The following VTI1A variants were observed in gnomAD, a reference collection of about 807,000 sequenced individuals.
VTI1A encodes the protein vesicle transport through interaction with t-SNAREs homolog 1A.
In VTI1A, 22 loss-of-function variants were observed where a neutral mutation model predicts 34.9. The ratio of observed to expected loss-of-function variants is 0.63; its 90% CI spans 0.45 to 0.90. The LOEUF is 0.90. Among genes scored for constraint, VTI1A ranks in the 40% least tolerant of loss-of-function variants. The pLI is 0.00. For missense variants in VTI1A, 268 were observed against 275.6 expected (o/e 0.97, Z 0.20); for synonymous variants, 87 against 97.3 (o/e 0.89, Z 0.62).
intron 7 of VTI1A, among the ~76,000 whole-genome samples, chr10:112,788,810 AT>A (rs557587978): frequency 1.1e-4 from 16 of 151,838 alleles, no homozygotes; most frequent in South Asian, 4.2e-4. Context: ...TCACATATTG[AT>A]TTTTTTTATT....
chr10:112,637,668 A>C (rs1397196482), intron 5 of VTI1A, among the ~76,000 whole-genome samples: 2 of 152,202 alleles, frequency 1.3e-5, no homozygotes, highest in African/African-American at 4.8e-5. Flanking sequence ...TCAAAAAAAA[A>C]ACAGCTGTAT....
At chr10:112,640,937 C>G (rs1352797087) in intron 5 of VTI1A, among the ~76,000 whole-genome samples, 1 of 152,158 alleles carries the variant, frequency 6.6e-6, no homozygotes, top group Non-Finnish European at 1.5e-5. Flanking sequence ...ATCCAAATTA[C>G]TCTATTTATA....
At chr10:112,545,571 G>A (rs2134276887) in intron 5 of VTI1A, among the ~76,000 whole-genome samples, 1 of 152,300 alleles carries the variant, frequency 6.6e-6, no homozygotes, top group East Asian at 1.9e-4. Flanking sequence ...TCAATCTAAA[G>A]AGGAAATGAG....
At chr10:112,668,122 G>T in intron 5 of VTI1A, 96 bp from the exon 6 acceptor site, 1 of 922,768 alleles carries the variant, frequency 1.1e-6, no homozygotes, top group Non-Finnish European at 1.7e-6. Flanking sequence ...ATGCATGCAT[G>T]CAACTTTAAC....
At chr10:112,554,920 T>G (rs1484455131) in intron 5 of VTI1A, among the ~76,000 whole-genome samples, 1 of 152,146 alleles carries the variant, frequency 6.6e-6, no homozygotes, top group Non-Finnish European at 1.5e-5. Flanking sequence ...TCGATGTATA[T>G]GGGGACATGG....
intron 7 of VTI1A, among the ~76,000 whole-genome samples, chr10:112,711,694 A>G (rs775381943): frequency 1.3e-5 from 2 of 152,194 alleles, no homozygotes; most frequent in Non-Finnish European, 2.9e-5. Context: ...GATGGAGAAT[A>G]CGCCAACAAA....
intron 5 of VTI1A, among the ~76,000 whole-genome samples, chr10:112,583,640 G>A (rs1844037425): frequency 6.6e-6 from 1 of 152,184 alleles, no homozygotes; most frequent in Non-Finnish European, 1.5e-5. Context: ...GCAGTGACAG[G>A]CAGTGTAATT....
chr10:112,545,021 T>A (rs1376296501), intron 5 of VTI1A, among the ~76,000 whole-genome samples: 1 of 151,974 alleles, frequency 6.6e-6, no homozygotes, highest in Non-Finnish European at 1.5e-5. Context: ...GGGATTGGAG[T>A]GGTGGCAGAG....
intron 1 of VTI1A, among the ~76,000 whole-genome samples, chr10:112,452,283 A>G (rs1847267512): frequency 6.6e-6 from 1 of 152,178 alleles, no homozygotes; most frequent in Admixed American, 6.5e-5. Flanking sequence ...AAATTTAAGC[A>G]TTTAGGGCCG....
chr10:112,851,990 A>G, the VTI1A span, among the ~76,000 whole-genome samples: 1 of 152,198 alleles, frequency 6.6e-6, no homozygotes, highest in African/African-American at 2.4e-5. Flanking sequence ...CTTTTATGAG[A>G]CAAAAGAAAA....
chr10:112,807,569 AAG>A (rs374259805), intron 7 of VTI1A, among the ~76,000 whole-genome samples: 188 of 152,236 alleles, frequency 1.2e-3, no homozygotes, highest in African/African-American at 4.3e-3. Context: ...ATCCTTAATG[AAG>A]TCCAGCTGTG....
intron 7 of VTI1A, among the ~76,000 whole-genome samples, chr10:112,756,621 T>G (rs1046538488): frequency 4.6e-5 from 7 of 152,162 alleles, no homozygotes; most frequent in African/African-American, 1.7e-4. Flanking sequence ...TACTGTTAGC[T>G]TAGTTGGAGA....
chr10:112,563,711 AT>A (rs1267704185), intron 5 of VTI1A, among the ~76,000 whole-genome samples: 1 of 152,212 alleles, frequency 6.6e-6, no homozygotes, highest in Non-Finnish European at 1.5e-5. Flanking sequence ...GCACCAATAT[AT>A]TTTTACACAA....
At chr10:112,824,763 G>C in the VTI1A span, 7 of 152,314 alleles carry the variant, frequency 4.6e-5, no homozygotes, top group African/African-American at 1.7e-4. Flanking sequence ...TTATATGCCA[G>C]TCACACCCTG....
At chr10:112,617,371 G>T (rs1564850636) in intron 5 of VTI1A, among the ~76,000 whole-genome samples, 1 of 152,016 alleles carries the variant, frequency 6.6e-6, no homozygotes, top group African/African-American at 2.4e-5. Context: ...TACTAAAGGG[G>T]TTTTTTAAAA....
At chr10:112,563,355 C>A (rs922738813) in intron 5 of VTI1A, among the ~76,000 whole-genome samples, 3 of 152,210 alleles carry the variant, frequency 2.0e-5, no homozygotes. Context: ...AGACCACCTT[C>A]ATCCTTGATG....
chr10:112,745,648 A>G (rs375740883), intron 7 of VTI1A, among the ~76,000 whole-genome samples: 1 of 152,234 alleles, frequency 6.6e-6, no homozygotes, highest in East Asian at 1.9e-4. Context: ...GCTGGATCCC[A>G]AAAGTGCTCA....
At chr10:112,579,588 T>C (rs1183796670) in intron 5 of VTI1A, among the ~76,000 whole-genome samples, 1 of 152,164 alleles carries the variant, frequency 6.6e-6, no homozygotes, top group Non-Finnish European at 1.5e-5. Context: ...TGACTAAGGT[T>C]AGATTGAACA....
intron 7 of VTI1A, among the ~76,000 whole-genome samples, chr10:112,788,115 C>T (rs954173948): frequency 1.3e-5 from 2 of 151,554 alleles, no homozygotes; most frequent in African/African-American, 2.4e-5. Flanking sequence ...ATTATTGAGA[C>T]TTGTTTTATG....
Sources: gnomAD v4.1 joint callset for allele counts (sites outside exome capture counted in the v4.1 genomes callset) on GRCh38, gnomAD v4.1.1 for gene constraint, MANE v1.5 for transcripts, NCBI Gene and HGNC (gene_info 2026-07-23, HGNC 2026-07-21) for gene names.